Variants in APCDD1 observed in about 807,000 individuals in gnomAD.
APCDD1 encodes the protein APC down-regulated 1.
APCDD1 carries 15 observed loss-of-function variants against 38.1 expected under a neutral mutation model. The observed-to-expected ratio is 0.39, with a 90% CI of 0.26 to 0.61. The LOEUF (loss-of-function observed/expected upper bound fraction) is 0.61. Among genes scored for constraint, APCDD1 ranks in the 20% least tolerant of loss-of-function variants. The probability of loss-of-function intolerance (pLI) is 0.49; values close to 1 mark genes in which losing one functional copy is unlikely to be tolerated. For synonymous variants in APCDD1, 261 were observed against 279.7 expected (o/e 0.93, Z 0.67); for missense variants, 647 against 696.2 (o/e 0.93, Z 0.79).
rs758430408 is a variant in APCDD1 at position 10,454,950 on chromosome 18, G to C, written c.-32G>C. The C allele has an allele frequency of 2.7e-6, 4 of 1,493,784 alleles. No homozygotes were observed. The highest frequency in any genetic ancestry group is 2.9e-5 in the African/African-American group (2 of 68,448). The allele number at this position is 1,493,784 out of a possible 1,614,324, so 92.5% of individuals were successfully genotyped here. A position where few individuals can be genotyped will look rare whatever the true frequency, so the allele number is the denominator to read the frequency against. On this transcript the variant is annotated 5_prime_UTR_variant, in exon 1 of 5. Transcript: ENST00000355285. ...TTGCCCGGGCACCAAATCGGAGCGC[G>C]GCGTGCGGGAGGCCCCAGAGCAGGA...
intron 1 of APCDD1, among the ~76,000 whole-genome samples, chr18:10,455,327 A>G (rs2143499219): frequency 6.6e-6 from 1 of 152,348 alleles, no homozygotes; most frequent in South Asian, 2.1e-4. Flanking sequence ...TTTTATGTCC[A>G]GAATCCGTTG....
chr18:10,487,650 A>G lies in APCDD1; in HGVS notation c.1157A>G (p.Asn386Ser), dbSNP rs1365634597. ...AATASLLNVF[N>S]GNECGAEGSW... is the part of the protein sequence containing the mutation. Reference sequence around the variant, plus strand: ...ACAGCCTCACTGCTCAACGTCTTCAACGGGAATGAGTGCGGGGCCGAGGGC... The same window carrying G: ...ACAGCCTCACTGCTCAACGTCTTCAGCGGGAATGAGTGCGGGGCCGAGGGC... The change falls in exon 5 of 5, where the codon AAC becomes AGC. Residue 386 changes from asparagine to serine, a missense_variant. Transcript: ENST00000355285. The G allele has an allele frequency of 6.2e-7, 1 of 1,614,048 alleles. No individual in the cohort carries two copies. The highest frequency in any genetic ancestry group is 8.5e-7 in the Non-Finnish European group (1 of 1,180,052).
intron 1 of APCDD1, among the ~76,000 whole-genome samples, chr18:10,455,768 A>T (rs192068661): frequency 1.8e-4 from 28 of 152,330 alleles, no homozygotes; most frequent in African/African-American, 6.3e-4. Flanking sequence ...GCTAGAGAAC[A>T]TCAGCCCTTT....
In APCDD1 at chr18:10,487,701, A is replaced by C; in HGVS notation, c.1208A>C (p.Asp403Ala). 1 of 1,614,164 alleles carries C rather than the reference A, an allele frequency of 6.2e-7. No individual in the cohort carries two copies. Among genetic ancestry groups the C allele is most frequent in the Non-Finnish European group, 8.5e-7 (1 of 1,180,032 alleles). Residue 403 changes from aspartate to alanine, a missense_variant, in exon 5 of 5, where the codon GAT becomes GCT. Coordinates refer to ENST00000355285, the MANE Select transcript of APCDD1 (RefSeq NM_153000.5). ...EGSWQVGIQQ[D>A]VTHTNGCVAL... ...TCCTGGCAGGTGGGCATCCAGCAGGATGTGACCCACACCAATGGCTGCGTG... is the reference window on the plus strand; with the variant it reads ...TCCTGGCAGGTGGGCATCCAGCAGGCTGTGACCCACACCAATGGCTGCGTG...
intron 3 of APCDD1, among the ~76,000 whole-genome samples, chr18:10,482,194 T>A (rs2031157437): frequency 6.6e-6 from 1 of 152,212 alleles, no homozygotes; most frequent in Non-Finnish European, 1.5e-5. Context: ...GAATTGATCC[T>A]GGTATTTGAC....
chr18:10,487,855 G>T lies in APCDD1; in HGVS notation c.1362G>T (p.Lys454Asn), dbSNP rs766181159. 3 of 1,613,792 alleles carry T rather than the reference G, an allele frequency of 1.9e-6. No individual in the cohort carries two copies. In the African/African-American group the frequency reaches 4.0e-5, roughly 22 times the overall value. ...GGTCCAGCCCAGACAGGCCAGAGAA[G>T]AGAGCCACGTCCTACCAGATGCCCT... is the stretch of plus-strand genomic sequence containing the variant. Reference protein sequence around the residue: ...SDGSSPDRPEKRATSYQMPLV... With the variant: ...SDGSSPDRPENRATSYQMPLV... The change falls in exon 5 of 5, where the codon AAG (lysine) becomes AAT (asparagine). Residue 454 changes from lysine (K) to asparagine (N), a missense_variant. Transcript: ENST00000355285.
intron 1 of APCDD1, 117 bp downstream of exon 1, chr18:10,455,156 G>T (rs1378321371): frequency 4.2e-6 from 6 of 1,444,536 alleles, no homozygotes; most frequent in Non-Finnish European, 5.5e-6. Flanking sequence ...CCCCTTGGCG[G>T]GGCGGGTCCG....
At position 10,469,903 on chromosome 18, in the gene APCDD1, G is replaced by A. The variant is rs1156778613; in HGVS notation, c.242+1251G>A. Among the ~76,000 whole-genome samples, 2 of 152,194 alleles carry A rather than the reference G, an allele frequency of 1.3e-5. No individual in the cohort carries two copies. The highest frequency in any genetic ancestry group is 2.1e-4 in the South Asian group (1 of 4,832). On this transcript the variant is annotated intron_variant, in intron 2 of 4. Transcript: ENST00000355285. This position sits in a 1 kb window ranked among gnomAD's most constrained non-coding sequence, Gnocchi z 5.5. ...ACCAGGGCAGACAGCCTCACATGAGGCTGCTGGGGAGGGTAGGCCAGCTCT... is the reference window on the plus strand; with the variant it reads ...ACCAGGGCAGACAGCCTCACATGAGACTGCTGGGGAGGGTAGGCCAGCTCT...
chr18:10,487,232 A>G (rs1221697712), intron 4 of APCDD1, among the ~76,000 whole-genome samples: 1 of 152,216 alleles, frequency 6.6e-6, no homozygotes, highest in Non-Finnish European at 1.5e-5. Flanking sequence ...TTCAATCCCA[A>G]CGAGTCAGCA....
At chr18:10,465,761 G>A (rs575116951) in intron 1 of APCDD1, among the ~76,000 whole-genome samples, 11 of 152,276 alleles carry the variant, frequency 7.2e-5, no homozygotes, top group South Asian at 4.2e-4. Context: ...GTGATTCACG[G>A]GTATCTCGTG....
At position 10,487,958 on chromosome 18, in the gene APCDD1, C is replaced by T. The variant is rs1360830042; in HGVS notation, c.1465C>T (p.Pro489Ser). 3.7e-6 allele frequency: 6 copies of T among 1,613,872 alleles called. No individual in the cohort carries two copies. The highest frequency in any genetic ancestry group is 2.2e-5 in the South Asian group (2 of 91,054). ...DSGSSLYGRAPGRHTWSLLLA... is the reference protein window; with the variant it reads ...DSGSSLYGRASGRHTWSLLLA... The stretch of plus-strand genomic sequence containing the variant: ...TGGAAGCAGCCTGTATGGCCGGGCC[C>T]CTGGGAGGCACACCTGGTCCCTGCT... Residue 489 changes from proline (P) to serine (S), a missense_variant, in exon 5 of 5, where the codon CCT (proline) becomes TCT (serine). Transcript: ENST00000355285.
intron 1 of APCDD1, among the ~76,000 whole-genome samples, chr18:10,462,611 TTCCTTCCTTCCTTCCC>T (rs2030589532): frequency 1.1e-5 from 1 of 87,620 alleles, no homozygotes; most frequent in African/African-American, 5.7e-5. Context: ...CCTTCCTTCC[TTCCTTCCTTCCTTCCC>T]TCCTTCCTTC....
intron 3 of APCDD1, among the ~76,000 whole-genome samples, chr18:10,481,878 A>G (rs985579897): frequency 1.3e-5 from 2 of 152,098 alleles, no homozygotes; most frequent in African/African-American, 4.8e-5. Flanking sequence ...TTTCTCTGCT[A>G]TGGAACAGCA....
chr18:10,463,962 A>C (rs2143519331), intron 1 of APCDD1, among the ~76,000 whole-genome samples: 1 of 152,360 alleles, frequency 6.6e-6, no homozygotes, highest in African/African-American at 2.4e-5. Context: ...CTGCACTGCC[A>C]GCCTCGCTGG....
intron 1 of APCDD1, among the ~76,000 whole-genome samples, chr18:10,456,127 G>C (rs1233595127): frequency 6.6e-6 from 1 of 152,196 alleles, no homozygotes; most frequent in Admixed American, 6.5e-5. Flanking sequence ...CCGGGATGCT[G>C]TTTTCTTTGT....
At chr18:10,466,668 ACT>A (rs955754811) in intron 1 of APCDD1, among the ~76,000 whole-genome samples, 9 of 152,082 alleles carry the variant, frequency 5.9e-5, no homozygotes, top group African/African-American at 2.2e-4. Flanking sequence ...CAGGAGTACC[ACT>A]CTAGTGGAGA....
chr18:10,464,767 C>T (rs961647340), intron 1 of APCDD1, among the ~76,000 whole-genome samples: 1 of 152,180 alleles, frequency 6.6e-6, no homozygotes, highest in African/African-American at 2.4e-5. Context: ...GCAGCAACTG[C>T]AGAGCTTGGC....
chr18:10,477,690 G>A (rs532119592), intron 3 of APCDD1: 8 of 152,300 alleles, frequency 5.3e-5, no homozygotes, highest in African/African-American at 1.4e-4. Context: ...TAAAAAGTAC[G>A]CATGAGGTCC....
intron 3 of APCDD1, among the ~76,000 whole-genome samples, chr18:10,473,894 G>C (rs962969130): frequency 2.0e-5 from 3 of 150,934 alleles, no homozygotes; most frequent in African/African-American, 7.4e-5. Flanking sequence ...CCTTTGGCTC[G>C]CTCTGAGTAT....
Sources: allele counts gnomAD v4.1 joint callset (sites outside exome capture counted in the v4.1 genomes callset), GRCh38; gene constraint gnomAD v4.1.1; non-coding constraint Gnocchi (gnomAD v3.1); transcripts MANE v1.5; gene names NCBI Gene and HGNC (gene_info 2026-07-23, HGNC 2026-07-21).